Variants in ZNF487 observed in about 807,000 individuals in gnomAD.
The protein encoded by ZNF487 is KRAB domain only 1.
Under a neutral mutation model 3.0 loss-of-function variants are expected in ZNF487, and 4 were observed. The ratio of observed to expected loss-of-function variants is 1.35; its 90% CI spans 0.66 to 3.08. ZNF487 has a LOEUF of 3.08. Ranked by LOEUF, ZNF487 falls within the 30% of genes most tolerant of loss-of-function variation. The pLI, the probability that ZNF487 is intolerant of heterozygous loss-of-function variation, is 0.01. For missense variants in ZNF487, 146 were observed against 98.7 expected (o/e 1.48, Z -2.03); for synonymous variants, 55 against 34.6 (o/e 1.59, Z -2.06).
the ZNF487 span, among the ~76,000 whole-genome samples, chr10:43,494,886 G>A: frequency 4.2e-5 from 6 of 142,274 alleles, no homozygotes; most frequent in Admixed American, 7.3e-5. Flanking sequence ...GCAGTGAGCC[G>A]AGATCACACC....
intron 1 of ZNF487, among the ~76,000 whole-genome samples, chr10:43,473,677 T>C (rs7899933): frequency 0.016 from 2,358 of 151,786 alleles, 65 homozygotes; most frequent in African/African-American, 0.054. Flanking sequence ...CTTTTTTTTT[T>C]CCCCAGACCC....
the ZNF487 span, among the ~76,000 whole-genome samples, chr10:43,513,029 G>A: frequency 6.6e-6 from 1 of 152,208 alleles, no homozygotes; most frequent in Non-Finnish European, 1.5e-5. Context: ...GCACACAAAT[G>A]TCTCACCAGT....
At chr10:43,500,165 A>G in the ZNF487 span, among the ~76,000 whole-genome samples, 372 of 152,178 alleles carry the variant, frequency 2.4e-3, no homozygotes, top group African/African-American at 8.6e-3. Context: ...ATGAGCCACC[A>G]TGCCTGGCTT....
At chr10:43,465,699 C>CA (rs1011113067) in intron 1 of ZNF487, among the ~76,000 whole-genome samples, 59 of 151,260 alleles carry the variant, frequency 3.9e-4, no homozygotes, top group Middle Eastern at 6.8e-3. Context: ...TCCTCACTTT[C>CA]CAGACTGGGC....
chr10:43,454,742 A>G (rs1840114296), intron 1 of ZNF487: 1 of 152,256 alleles, frequency 6.6e-6, no homozygotes. Context: ...ATTAAAACAA[A>G]ATCTATCTTA....
intron 3 of ZNF487, among the ~76,000 whole-genome samples, chr10:43,479,723 C>T (rs1841238824): frequency 2.6e-5 from 4 of 152,154 alleles, no homozygotes; most frequent in Admixed American, 2.6e-4. Flanking sequence ...TCTCATCTCA[C>T]TGCAACCTCC....
chr10:43,468,704 A>AC, intron 1 of ZNF487, among the ~76,000 whole-genome samples: 1 of 139,872 alleles, frequency 7.1e-6, no homozygotes, highest in Non-Finnish European at 1.5e-5. Flanking sequence ...AAAAAAAAAA[A>AC]GGCCGGGCGC....
At chr10:43,459,221 T>TTTTCTTTC (rs530305853) in intron 1 of ZNF487, among the ~76,000 whole-genome samples, 2 of 151,922 alleles carry the variant, frequency 1.3e-5, no homozygotes, top group African/African-American at 4.8e-5. Flanking sequence ...TATCCAGTCT[T>TTTTCTTTC]TTTCTTTCTT....
At chr10:43,477,780 C>T (rs923240311) in intron 3 of ZNF487, among the ~76,000 whole-genome samples, 4 of 151,376 alleles carry the variant, frequency 2.6e-5, no homozygotes, top group Non-Finnish European at 4.4e-5. Flanking sequence ...GGTGAAACGC[C>T]GTCTCTACTA....
chr10:43,517,634 CT>C, the ZNF487 span, among the ~76,000 whole-genome samples: 1 of 152,164 alleles, frequency 6.6e-6, no homozygotes, highest in Non-Finnish European at 1.5e-5. Context: ...GAAATAGAGG[CT>C]TTTACAGGTC....
At chr10:43,518,353 C>A in the ZNF487 span, among the ~76,000 whole-genome samples, 11 of 152,126 alleles carry the variant, frequency 7.2e-5, no homozygotes, top group African/African-American at 2.7e-4. Flanking sequence ...CAAATGGATA[C>A]CCCGCCGTGT....
At chr10:43,492,458 TTA>T in the ZNF487 span, among the ~76,000 whole-genome samples, 3 of 131,922 alleles carry the variant, frequency 2.3e-5, no homozygotes, top group Admixed American at 8.0e-5. Flanking sequence ...TTATTTTATT[TTA>T]TTTTATTTTG....
the ZNF487 span, among the ~76,000 whole-genome samples, chr10:43,506,407 G>C: frequency 6.6e-6 from 1 of 152,136 alleles, no homozygotes; most frequent in African/African-American, 2.4e-5. Context: ...GGGAGGCTGA[G>C]GCAGGGTGAT....
chr10:43,490,044 A>G, the ZNF487 span, among the ~76,000 whole-genome samples: 6,440 of 152,282 alleles, frequency 0.042, 196 homozygotes, highest in Middle Eastern at 0.068. Flanking sequence ...AAAGACAGAA[A>G]TAGCTTAAAA....
chr10:43,449,381 T>C (rs1839928845), intron 1 of ZNF487, among the ~76,000 whole-genome samples: 1 of 152,058 alleles, frequency 6.6e-6, no homozygotes, highest in African/African-American at 2.4e-5. Flanking sequence ...CATACACAAG[T>C]CACAGAGAAT....
upstream of ZNF487, chr10:43,436,899 A>G (rs1226490833): frequency 2.1e-6 from 1 of 469,304 alleles, no homozygotes; most frequent in Admixed American, 2.4e-5. Context: ...TTCGTGGGGA[A>G]GCCGGACTGC....
intron 1 of ZNF487, among the ~76,000 whole-genome samples, chr10:43,463,275 T>C (rs910653335): frequency 1.3e-5 from 2 of 151,978 alleles, no homozygotes; most frequent in Non-Finnish European, 2.9e-5. Flanking sequence ...GGATGGCTCA[T>C]GCCTGTAATC....
chr10:43,491,956 C>G, the ZNF487 span, among the ~76,000 whole-genome samples: 1 of 151,648 alleles, frequency 6.6e-6, no homozygotes, highest in Non-Finnish European at 1.5e-5. Flanking sequence ...GATATGAGGT[C>G]TTTGGCCTCA....
intron 1 of ZNF487, among the ~76,000 whole-genome samples, chr10:43,464,751 A>G (rs994167456): frequency 1.3e-5 from 2 of 152,230 alleles, no homozygotes; most frequent in African/African-American, 4.8e-5. Context: ...CAAAATGAAA[A>G]GTCTGCCATG....
Sources: allele counts gnomAD v4.1 joint callset (sites outside exome capture counted in the v4.1 genomes callset), GRCh38; gene constraint gnomAD v4.1.1; transcripts MANE v1.5; gene names NCBI Gene and HGNC (gene_info 2026-07-23, HGNC 2026-07-21).